The following ACBD3 variants were observed in gnomAD, a reference collection of about 807,000 sequenced individuals.
The protein encoded by ACBD3 is acyl-CoA binding domain containing 3, also known as Golgi resident protein GCP60.
ACBD3 carries 30 observed loss-of-function variants against 66.9 expected under a neutral mutation model. The ratio of observed to expected loss-of-function variants is 0.45; its 90% CI spans 0.34 to 0.61. The LOEUF (loss-of-function observed/expected upper bound fraction) is 0.61. Ranked by LOEUF, ACBD3 falls within the 20% of genes least tolerant of loss-of-function variation. ACBD3 has a pLI of 0.02. For synonymous variants in ACBD3, 278 were observed against 259.8 expected, an observed-to-expected ratio of 1.07 and a Z score of -0.68; for missense variants, 544 against 664.5, an observed-to-expected ratio of 0.82 and a Z score of 1.99.
chr1:226,154,908 T>C, intron 5 of ACBD3, 75 bp from the exon 6 acceptor site: 1 of 1,314,508 alleles, frequency 7.6e-7, no homozygotes, highest in Non-Finnish European at 1.0e-6. Flanking sequence ...GGAGTACATC[T>C]GATACCATGC....
At chr1:226,168,881 C>T (rs182786239) in intron 1 of ACBD3, among the ~76,000 whole-genome samples, 4 of 152,288 alleles carry the variant, frequency 2.6e-5, no homozygotes, top group Admixed American at 1.3e-4. Flanking sequence ...TTATTTGAGA[C>T]GGAGTCTCGC....
At chr1:226,174,449 G>A (rs1247030326) in intron 1 of ACBD3, among the ~76,000 whole-genome samples, 2 of 152,092 alleles carry the variant, frequency 1.3e-5, no homozygotes, top group Non-Finnish European at 2.9e-5. Flanking sequence ...ACACTAAAAG[G>A]AATAAGGAAG....
chr1:226,176,154 G>A (rs1656027440), intron 1 of ACBD3, among the ~76,000 whole-genome samples: 2 of 152,168 alleles, frequency 1.3e-5, no homozygotes, highest in African/African-American at 2.4e-5. Context: ...GCGGCTGGGC[G>A]TGGTGGCTCA....
chr1:226,146,623 T>TA lies in ACBD3; in HGVS notation c.1573dup (p.Tyr525LeufsTer4). The stretch of plus-strand genomic sequence containing the variant: ...GTAACAACATTTTTATCTAGTATAA[T>TA]AGACTCTGTAGTAGACTGATTTTGA... On this transcript the variant is annotated frameshift_variant, in exon 8 of 8. Coordinates refer to ENST00000366812, the MANE Select transcript of ACBD3 (RefSeq NM_022735.4). LOFTEE classifies it high-confidence loss of function. 6.2e-7 allele frequency: 1 copy of TA among 1,613,842 alleles called. No homozygotes were observed. Among genetic ancestry groups the TA allele is most frequent in the Non-Finnish European group, 8.5e-7 (1 of 1,179,910 alleles).
At chr1:226,174,930 T>C (rs1269207345) in intron 1 of ACBD3, among the ~76,000 whole-genome samples, 1 of 149,854 alleles carries the variant, frequency 6.7e-6, no homozygotes, top group African/African-American at 2.5e-5. Flanking sequence ...CCATCTCTAC[T>C]AAAAATAAAA....
chr1:226,184,109 T>C (rs1656238323), intron 1 of ACBD3, among the ~76,000 whole-genome samples: 1 of 151,932 alleles, frequency 6.6e-6, no homozygotes. Flanking sequence ...GAGAATGGAG[T>C]GAATCCGGGA....
chr1:226,167,869 G>T (rs1028499023), intron 1 of ACBD3, among the ~76,000 whole-genome samples: 11 of 152,074 alleles, frequency 7.2e-5, no homozygotes, highest in Non-Finnish European at 1.3e-4. Context: ...AAAAGCATTA[G>T]ATACCAAGAC....
At chr1:226,150,153 G>A (rs1333548359) in intron 7 of ACBD3, among the ~76,000 whole-genome samples, 5 of 150,298 alleles carry the variant, frequency 3.3e-5, no homozygotes, top group Non-Finnish European at 5.9e-5. Context: ...CGAATTCCTG[G>A]ACTCAAGCAA....
At position 226,164,942 on chromosome 1, in the gene ACBD3, A is replaced by G; in HGVS notation, c.429-13T>C. The G allele has an allele frequency of 6.5e-7, 1 of 1,532,872 alleles. No homozygotes were observed. The highest frequency in any genetic ancestry group is 8.8e-7 in the Non-Finnish European group (1 of 1,141,764). 95.0% of individuals were successfully genotyped at this position (1,532,872 alleles called of 1,614,324 possible). A position where few individuals can be genotyped will look rare whatever the true frequency, so the allele number is the denominator to read the frequency against. On this transcript the variant is annotated splice_polypyrimidine_tract_variant and intron_variant, in intron 2 of 7. Transcript: ENST00000366812. ...TGCCCATTCTCTCCTGTAAGGAATA[A>G]CAAGAAAAGTTACCTCCCCTTCTTA...
intron 1 of ACBD3, among the ~76,000 whole-genome samples, chr1:226,174,676 G>A (rs1220315659): frequency 6.6e-6 from 1 of 152,160 alleles, no homozygotes; most frequent in Non-Finnish European, 1.5e-5. Flanking sequence ...TGAGGCAGGA[G>A]AATCGCCTGA....
In ACBD3 at chr1:226,186,338, C is replaced by T. The variant is rs1051507037; in HGVS notation, c.286+52G>A. The T allele has an allele frequency of 4.1e-6, 6 of 1,464,456 alleles. No individual in the cohort carries two copies. In the African/African-American group the frequency reaches 5.9e-5, roughly 14 times the overall value. 90.7% of individuals were successfully genotyped at this position (1,464,456 alleles called of 1,614,324 possible). A position where few individuals can be genotyped will look rare whatever the true frequency, so the allele number is the denominator to read the frequency against. On this transcript the variant is annotated intron_variant, in intron 1 of 7. Transcript: ENST00000366812. ...TCACCCTGGGGACCACAGCCCACGCCGGGCTCCCGGGGCCGGGCAGAAGCG... is the reference window on the plus strand; with the variant it reads ...TCACCCTGGGGACCACAGCCCACGCTGGGCTCCCGGGGCCGGGCAGAAGCG...
intron 1 of ACBD3, among the ~76,000 whole-genome samples, chr1:226,176,417 G>T (rs552657268): frequency 3.2e-5 from 4 of 123,620 alleles, no homozygotes; most frequent in Non-Finnish European, 6.4e-5. Context: ...GCTACAGAGC[G>T]AGACTCCGTC....
intron 1 of ACBD3, among the ~76,000 whole-genome samples, chr1:226,178,309 A>G (rs886336633): frequency 6.6e-6 from 1 of 151,720 alleles, no homozygotes; most frequent in African/African-American, 2.4e-5. Flanking sequence ...AGTGGCTCAC[A>G]CCTGTAATCC....
At chr1:226,170,900 C>T (rs1054808492) in intron 1 of ACBD3, among the ~76,000 whole-genome samples, 5 of 151,950 alleles carry the variant, frequency 3.3e-5, no homozygotes, top group African/African-American at 1.2e-4. Flanking sequence ...CCACCTCAGC[C>T]TCCTGAGTAG....
rs1362208718 is a variant in ACBD3, at chr1:226,181,009, A to C, written c.286+5381T>G. 3.9e-5 allele frequency among the ~76,000 whole-genome samples: 6 copies of C among 152,044 alleles called. No individual in the cohort carries two copies. In the South Asian group the frequency reaches 8.3e-4, roughly 21 times the overall value. On this transcript the variant is annotated intron_variant, in intron 1 of 7. Transcript: ENST00000366812. ...ATGAGACTCCATCTCAAAAAAAAAAAAAAAAACAATGACAACAACAACACA... is the reference window on the plus strand; with the variant it reads ...ATGAGACTCCATCTCAAAAAAAAAACAAAAAACAATGACAACAACAACACA...
intron 1 of ACBD3, among the ~76,000 whole-genome samples, chr1:226,175,261 C>CT (rs1325942554): frequency 1.3e-5 from 2 of 152,042 alleles, no homozygotes; most frequent in Admixed American, 1.3e-4. Context: ...CTCATGCACT[C>CT]TTTTCACAAG....
In ACBD3 at chr1:226,146,833, G is replaced by A; in HGVS notation, c.1376-12C>T. 1.2e-6 allele frequency: 2 copies of A among 1,612,288 alleles called. No homozygotes were observed. Among genetic ancestry groups the A allele is most frequent in the Non-Finnish European group, 1.7e-6 (2 of 1,178,340 alleles). On this transcript the variant is annotated splice_polypyrimidine_tract_variant and intron_variant, in intron 7 of 7. Coordinates refer to ENST00000366812, the MANE Select transcript of ACBD3 (RefSeq NM_022735.4). ...ACAACCGATGTTTTCTGTAAGAACAGAGACAAGTCAATGAACAGATTCAGG... is the reference window on the plus strand; with the variant it reads ...ACAACCGATGTTTTCTGTAAGAACAAAGACAAGTCAATGAACAGATTCAGG...
intron 5 of ACBD3, among the ~76,000 whole-genome samples, chr1:226,158,507 C>T (rs1659715968): frequency 6.6e-6 from 1 of 152,136 alleles, no homozygotes; most frequent in South Asian, 2.1e-4. Context: ...GATTTTATAT[C>T]CTATTGTTAC....
chr1:226,154,811 T>C lies in ACBD3; in HGVS notation c.926A>G (p.Glu309Gly), dbSNP rs137989799. Residue 309 changes from glutamate to glycine, a missense_variant, in exon 6 of 8, where the codon GAA becomes GGA. Glu to Gly is a moderately conservative substitution (Grantham distance 98). Transcript: ENST00000366812. Reference protein sequence around the residue: ...QQQAALQKQQEVVVAGSSLPT... With the variant: ...QQQAALQKQQGVVVAGSSLPT... ...CAAGGAAGACCCAGCCACTACTACTTCCTGTTGTTTCTGTAATGCTGCCTA... is the reference window on the plus strand; with the variant it reads ...CAAGGAAGACCCAGCCACTACTACTCCCTGTTGTTTCTGTAATGCTGCCTA... The C allele has an allele frequency of 5.6e-6, 9 of 1,607,936 alleles. No individual in the cohort carries two copies. The highest frequency in any genetic ancestry group is 6.8e-6 in the Non-Finnish European group (8 of 1,177,026).
Sources: allele counts gnomAD v4.1 joint callset (sites outside exome capture counted in the v4.1 genomes callset), GRCh38; gene constraint gnomAD v4.1.1; transcripts MANE v1.5; gene names NCBI Gene and HGNC (gene_info 2026-07-23, HGNC 2026-07-21).